The following SLC24A2 variants were observed in gnomAD, a reference collection of about 807,000 sequenced individuals.
SLC24A2 encodes sodium/potassium/calcium exchanger 2.
In SLC24A2, 36 loss-of-function variants were observed where a neutral mutation model predicts 62.0. That is an observed-to-expected ratio of 0.58 (90% confidence interval 0.44 to 0.77). The LOEUF is 0.77. Ranked by LOEUF, SLC24A2 falls within the 30% of genes least tolerant of loss-of-function variation. The probability of loss-of-function intolerance (pLI) is 0.00; values close to 1 mark genes in which losing one functional copy is unlikely to be tolerated. For synonymous variants in SLC24A2, 358 were observed against 294.0 expected, an observed-to-expected ratio of 1.22 and a Z score of -2.23; for missense variants, 846 against 817.9, an observed-to-expected ratio of 1.03 and a Z score of -0.42.
At chr9:20,103,066 G>A in the SLC24A2 span, among the ~76,000 whole-genome samples, 1 of 152,212 alleles carries the variant, frequency 6.6e-6, no homozygotes, top group East Asian at 1.9e-4. Flanking sequence ...GGCTTGGAGT[G>A]TCCTACGCCC....
At chr9:19,643,866 C>T (rs1310212203) in intron 2 of SLC24A2, among the ~76,000 whole-genome samples, 1 of 152,216 alleles carries the variant, frequency 6.6e-6, no homozygotes, top group Non-Finnish European at 1.5e-5. Context: ...GTTTAATCCA[C>T]AGATTCAATA....
At chr9:19,827,384 C>T in the SLC24A2 span, among the ~76,000 whole-genome samples, 1 of 152,056 alleles carries the variant, frequency 6.6e-6, no homozygotes, top group Non-Finnish European at 1.5e-5. Context: ...TGCTTTCTTC[C>T]TGAGAATGGC....
chr9:19,652,831 T>C (rs542645708), intron 2 of SLC24A2, among the ~76,000 whole-genome samples: 107 of 152,326 alleles, frequency 7.0e-4, no homozygotes, highest in African/African-American at 2.4e-3. Flanking sequence ...GATTCAATGA[T>C]CATTCATCCA....
intron 8 of SLC24A2, among the ~76,000 whole-genome samples, chr9:19,548,808 C>G (rs1207781958): frequency 1.6e-4 from 24 of 152,212 alleles, no homozygotes; most frequent in Admixed American, 1.6e-3. Context: ...ATTGCTCCCG[C>G]CAAGGGCCAG....
intron 2 of SLC24A2, among the ~76,000 whole-genome samples, chr9:19,774,414 T>A (rs1029235830): frequency 2.6e-4 from 40 of 152,272 alleles, no homozygotes; most frequent in South Asian, 8.3e-4. Flanking sequence ...ATAATTTCAT[T>A]GTGTTAACCT....
chr9:19,784,273 C>T (rs562874947), intron 2 of SLC24A2, among the ~76,000 whole-genome samples: 2 of 152,294 alleles, frequency 1.3e-5, no homozygotes, highest in South Asian at 4.1e-4. Context: ...CCATCTTCCA[C>T]CCCACTAAAA....
chr9:19,905,019 T>C, the SLC24A2 span, among the ~76,000 whole-genome samples: 1 of 152,210 alleles, frequency 6.6e-6, no homozygotes, highest in South Asian at 2.1e-4. Flanking sequence ...ATATAGCAAG[T>C]CTTGAAAATT....
chr9:20,022,245 C>T, the SLC24A2 span, among the ~76,000 whole-genome samples: 2 of 152,072 alleles, frequency 1.3e-5, no homozygotes, highest in African/African-American at 4.8e-5. Context: ...CTGTTTCCAC[C>T]ATATACCACA....
chr9:19,584,560 C>T (rs1367578319), intron 5 of SLC24A2, among the ~76,000 whole-genome samples: 1 of 152,148 alleles, frequency 6.6e-6, no homozygotes, highest in African/African-American at 2.4e-5. Context: ...ATTCTACCAA[C>T]TATCTTACTG....
intron 2 of SLC24A2, among the ~76,000 whole-genome samples, chr9:19,678,426 C>G (rs190870864): frequency 6.6e-6 from 1 of 152,232 alleles, no homozygotes; most frequent in African/African-American, 2.4e-5. Flanking sequence ...CCAACCTGGG[C>G]AAACCCATGA....
intron 2 of SLC24A2, among the ~76,000 whole-genome samples, chr9:19,637,484 C>T (rs528769741): frequency 6.6e-6 from 1 of 152,214 alleles, no homozygotes; most frequent in South Asian, 2.1e-4. Context: ...ATTGCATTCA[C>T]CTTGAAAAAA....
chr9:19,517,134 G>A (rs1274635339), intron 10 of SLC24A2, among the ~76,000 whole-genome samples: 1 of 152,096 alleles, frequency 6.6e-6, no homozygotes, highest in African/African-American at 2.4e-5. Flanking sequence ...ATCGAGAGTG[G>A]TGATCCTGAA....
intron 2 of SLC24A2, among the ~76,000 whole-genome samples, chr9:19,781,544 G>A (rs2118929802): frequency 6.6e-6 from 1 of 152,258 alleles, no homozygotes; most frequent in East Asian, 1.9e-4. Context: ...AAAATGCCTA[G>A]TTCACTCTCT....
chr9:20,108,651 G>A, the SLC24A2 span, among the ~76,000 whole-genome samples: 1 of 146,926 alleles, frequency 6.8e-6, no homozygotes, highest in Non-Finnish European at 1.5e-5. Context: ...TGAACAATGA[G>A]AACACATGGA....
chr9:19,576,987 T>A lies in SLC24A2; in HGVS notation c.1165A>T (p.Ile389Phe). ...TCCACATGACATTTCTTCTTGGCGA[T>A]CTTGTGGAGAATTGAAGCCTTTTCT... ...FREKASILHKIAKKKCHVDEN... is the reference protein window; with the variant it reads ...FREKASILHKFAKKKCHVDEN... The change falls in exon 6 of 11, where the codon ATC becomes TTC. Residue 389 changes from isoleucine (I) to phenylalanine (F), a missense_variant. Coordinates refer to ENST00000341998, the MANE Select transcript of SLC24A2 (RefSeq NM_020344.4). 1 of 1,614,176 alleles carries A rather than the reference T, an allele frequency of 6.2e-7. No homozygotes were observed. The highest frequency in any genetic ancestry group is 8.5e-7 in the Non-Finnish European group (1 of 1,180,018).
chr9:20,165,301 C>T, the SLC24A2 span, among the ~76,000 whole-genome samples: 3 of 151,570 alleles, frequency 2.0e-5, no homozygotes, highest in Admixed American at 2.0e-4. Flanking sequence ...GCAAACTAGA[C>T]AAGTTGATTC....
the SLC24A2 span, among the ~76,000 whole-genome samples, chr9:20,078,695 CT>C: frequency 6.6e-6 from 1 of 152,120 alleles, no homozygotes; most frequent in African/African-American, 2.4e-5. Flanking sequence ...TTTCTTATGC[CT>C]TCCAGTTTAG....
the SLC24A2 span, among the ~76,000 whole-genome samples, chr9:19,848,575 T>A: frequency 6.6e-6 from 1 of 152,168 alleles, no homozygotes; most frequent in Non-Finnish European, 1.5e-5. Flanking sequence ...CTTAGGATGG[T>A]CCTAGGCAAG....
chr9:19,516,158 T>C lies in SLC24A2; in HGVS notation c.1981A>G (p.Ile661Val), dbSNP rs375446147. ...GCAAGATATGGCTTTTCCTGCTAGA[T>C]GGAGACGGGGCATGTAAGAATTCTG... ...EDRILTCPVS[I>V] Residue 661 changes from isoleucine to valine, a missense_variant, in exon 11 of 11, where the codon ATC (isoleucine) becomes GTC (valine). Transcript: ENST00000341998. The C allele has an allele frequency of 1.2e-6, 2 of 1,614,134 alleles. No individual in the cohort carries two copies. Among genetic ancestry groups the C allele is most frequent in the South Asian group, 1.1e-5 (1 of 91,072 alleles).
Sources: allele counts gnomAD v4.1 joint callset (sites outside exome capture counted in the v4.1 genomes callset), GRCh38; gene constraint gnomAD v4.1.1; transcripts MANE v1.5; gene names NCBI Gene and HGNC (gene_info 2026-07-23, HGNC 2026-07-21).